The following PPTC7 variants were observed in gnomAD, a reference collection of about 807,000 sequenced individuals.
PPTC7 encodes the protein protein phosphatase targeting COQ7.
A neutral mutation model predicts 30.8 loss-of-function variants in PPTC7; 6 were observed. The ratio of observed to expected loss-of-function variants is 0.19; its 90% confidence interval spans 0.11 to 0.38. The LOEUF (loss-of-function observed/expected upper bound fraction) is 0.38. Ranked by LOEUF, PPTC7 falls within the 10% of genes least tolerant of loss-of-function variation. PPTC7 has a pLI of 1.00. For missense variants in PPTC7, 218 were observed against 404.8 expected, an observed-to-expected ratio of 0.54 and a Z score of 3.96; for synonymous variants, 163 against 168.1, an observed-to-expected ratio of 0.97 and a Z score of 0.23.
Position 110,568,986 on chromosome 12 carries a change from T to C in PPTC7, c.223+13823A>G, listed in dbSNP as rs550643801. Among the ~76,000 whole-genome samples, 13 of 151,994 alleles carry C rather than the reference T, an allele frequency of 8.6e-5. No homozygotes were observed. The East Asian group carries it at 9.7e-4, about 11-fold the overall frequency. On this transcript the variant is annotated intron_variant, in intron 1 of 5. Transcript: ENST00000354300. Reference sequence around the variant, plus strand: ...ACTACAACTACACCTGTGTAGAGAATAGCTACTGCACTCCAGCCTGGGCAA... The same window carrying C: ...ACTACAACTACACCTGTGTAGAGAACAGCTACTGCACTCCAGCCTGGGCAA...
rs184121910 is a variant in PPTC7, at chr12:110,558,597, T to C, written c.224-6629A>G. Among the ~76,000 whole-genome samples the C allele has an allele frequency of 6.5e-4, 99 of 152,342 alleles. 1 individual carries two copies. The highest frequency in any genetic ancestry group is 2.1e-4 in the South Asian group (1 of 4,830). Reference sequence around the variant, plus strand: ...TGAGCAAAAGATTGAGAAGAGACCATAGGGCACAGAAAAATCCTTTAGTGT... The same window carrying C: ...TGAGCAAAAGATTGAGAAGAGACCACAGGGCACAGAAAAATCCTTTAGTGT... On this transcript the variant is annotated intron_variant, in intron 1 of 5. Coordinates refer to ENST00000354300, the MANE Select transcript of PPTC7 (RefSeq NM_139283.2).
rs1278375206 is a variant in PPTC7 at position 110,533,992 on chromosome 12, C to A, written c.*3045G>T. ...CAGACATGCATACCTGGAATGGATT[C>A]TTTTGTGATTTAGTACCCAACAACC... On this transcript the variant is annotated 3_prime_UTR_variant, in exon 6 of 6. Coordinates refer to ENST00000354300, the MANE Select transcript of PPTC7 (RefSeq NM_139283.2). 6.6e-6 allele frequency: 1 copy of A among 152,152 alleles called. No individual in the cohort carries two copies. Among genetic ancestry groups the A allele is most frequent in the Non-Finnish European group, 1.5e-5 (1 of 68,022 alleles). The allele number at this position is 152,152 out of a possible 1,614,324, so 9.4% of individuals were successfully genotyped here.
At chr12:110,558,558 A>G (rs978463726) in intron 1 of PPTC7, among the ~76,000 whole-genome samples, 6 of 152,286 alleles carry the variant, frequency 3.9e-5, no homozygotes, top group Non-Finnish European at 7.3e-5. Flanking sequence ...TAATGGTTAC[A>G]TATCAGAAAT....
Position 110,534,287 on chromosome 12 carries a change from GC to G in PPTC7, c.*2749del. 6.6e-6 allele frequency: 1 copy of G among 152,152 alleles called. No individual in the cohort carries two copies. The highest frequency in any genetic ancestry group is 2.4e-5 in the African/African-American group (1 of 41,496). The allele number at this position is 152,152 out of a possible 1,614,324, so 9.4% of individuals were successfully genotyped here. On this transcript the variant is annotated 3_prime_UTR_variant, in exon 6 of 6. Transcript: ENST00000354300. ...TTGCTTTATAAATATAGATGGAAAA[GC>G]TATAAACTTTACTGGTCTTTGGTGC...
chr12:110,568,531 C>T (rs1293412348), intron 1 of PPTC7, among the ~76,000 whole-genome samples: 2 of 152,178 alleles, frequency 1.3e-5, no homozygotes, highest in Non-Finnish European at 2.9e-5. Flanking sequence ...GGATTACAGG[C>T]GTGAGCCACC....
rs537067746 is a variant in PPTC7 at position 110,569,147 on chromosome 12, A to G, written c.223+13662T>C. ...CTGGAGTTCAAGACCAGCCTGGCCA[A>G]CATGGTGAAACCCCATCTCTACTAA... On this transcript the variant is annotated intron_variant, in intron 1 of 5. Transcript: ENST00000354300. Among the ~76,000 whole-genome samples, 24 of 152,020 alleles carry G rather than the reference A, an allele frequency of 1.6e-4. No homozygotes were observed. In the South Asian group the frequency reaches 3.1e-3, roughly 20 times the overall value.
intron 1 of PPTC7, among the ~76,000 whole-genome samples, chr12:110,569,035 C>A (rs1044367936): frequency 3.6e-5 from 5 of 139,998 alleles, no homozygotes; most frequent in African/African-American, 1.1e-4. Flanking sequence ...TGTCCCCGCC[C>A]CCCCCCCTCA....
intron 1 of PPTC7, among the ~76,000 whole-genome samples, chr12:110,562,047 T>C (rs1345661598): frequency 1.3e-5 from 2 of 151,624 alleles, no homozygotes; most frequent in African/African-American, 4.8e-5. Context: ...AGCCAGGAGG[T>C]TGAGGCTGCA....
chr12:110,562,173 TA>T (rs1352842421), intron 1 of PPTC7, among the ~76,000 whole-genome samples: 2 of 150,200 alleles, frequency 1.3e-5, no homozygotes, highest in Non-Finnish European at 3.0e-5. Flanking sequence ...TAGTCCCAGC[TA>T]CTCGGAAGGC....
rs16940885 is a variant in PPTC7 at position 110,533,861 on chromosome 12, C to T, written c.*3176G>A. ...TGGTACTGAAGGTGGTTTCCATCTCCGGGCTACTGTCCTATCCAGAACACA... is the reference window on the plus strand; with the variant it reads ...TGGTACTGAAGGTGGTTTCCATCTCTGGGCTACTGTCCTATCCAGAACACA... On this transcript the variant is annotated 3_prime_UTR_variant, in exon 6 of 6. Transcript: ENST00000354300. 0.14 allele frequency: 20,607 copies of T among 152,122 alleles called. 2,022 individuals are homozygous for T. Among genetic ancestry groups the T allele is most frequent in the African/African-American group, 0.28 (11,426 of 41,456 alleles). 9.4% of individuals were successfully genotyped at this position (152,122 alleles called of 1,614,324 possible). A position where few individuals can be genotyped will look rare whatever the true frequency, so the allele number is the denominator to read the frequency against.
chr12:110,550,872 G>C (rs567129459), intron 2 of PPTC7, among the ~76,000 whole-genome samples: 13 of 152,180 alleles, frequency 8.5e-5, no homozygotes, highest in Non-Finnish European at 1.8e-4. Flanking sequence ...GTAATGAACT[G>C]AATTTTGCAG....
At chr12:110,572,356 G>A (rs1185738403) in intron 1 of PPTC7, among the ~76,000 whole-genome samples, 9 of 152,218 alleles carry the variant, frequency 5.9e-5, no homozygotes, top group East Asian at 5.8e-4. Flanking sequence ...AGGGAGAATC[G>A]CTTGAACCCG....
intron 5 of PPTC7, 114 bp downstream of exon 5, chr12:110,538,030 A>G: frequency 1.8e-6 from 2 of 1,121,316 alleles, no homozygotes; most frequent in Non-Finnish European, 2.5e-6. Context: ...ACAAGTGCAC[A>G]GTTTGGGGGC....
chr12:110,538,581 A>G (rs2064235223), intron 4 of PPTC7, among the ~76,000 whole-genome samples: 1 of 152,234 alleles, frequency 6.6e-6, no homozygotes, highest in Non-Finnish European at 1.5e-5. Context: ...CCTTTGAAGG[A>G]TACCTCAAAA....
chr12:110,562,260 C>G (rs2064444183), intron 1 of PPTC7, among the ~76,000 whole-genome samples: 1 of 124,572 alleles, frequency 8.0e-6, no homozygotes, highest in Non-Finnish European at 1.6e-5. Flanking sequence ...GCACTCCAGC[C>G]TGGGCAACAG....
chr12:110,537,786 C>T (rs1181577408), intron 5 of PPTC7, among the ~76,000 whole-genome samples: 3 of 152,154 alleles, frequency 2.0e-5, no homozygotes, highest in Middle Eastern at 3.2e-3. Flanking sequence ...AAGGGAGAAG[C>T]GAAATGTCAG....
intron 4 of PPTC7, among the ~76,000 whole-genome samples, chr12:110,538,925 T>C (rs901940112): frequency 6.6e-6 from 1 of 152,252 alleles, no homozygotes; most frequent in Admixed American, 6.5e-5. Flanking sequence ...GTTTTTCTTA[T>C]TTAGCACCCA....
rs1017859983 is a variant in PPTC7, at chr12:110,559,211, G to A, written c.224-7243C>T. 2.0e-5 allele frequency among the ~76,000 whole-genome samples: 3 copies of A among 151,574 alleles called. No homozygotes were observed. In the East Asian group the frequency reaches 5.9e-4, roughly 30 times the overall value. ...ACTCATTTTTTTAAAAATTTTTTTT[G>A]TAGAGATGCGGTCTCATTATGTTGC... On this transcript the variant is annotated intron_variant, in intron 1 of 5. Transcript: ENST00000354300.
intron 1 of PPTC7, among the ~76,000 whole-genome samples, chr12:110,559,182 C>T (rs994458930): frequency 1.3e-5 from 2 of 151,998 alleles, no homozygotes; most frequent in African/African-American, 2.4e-5. Context: ...CACCAACACA[C>T]ACAACTCATT....
Sources: allele counts gnomAD v4.1 joint callset (sites outside exome capture counted in the v4.1 genomes callset), GRCh38; gene constraint gnomAD v4.1.1; transcripts MANE v1.5; gene names NCBI Gene and HGNC (gene_info 2026-07-23, HGNC 2026-07-21).